Variants in NXPH1 observed in about 807,000 individuals in gnomAD.
NXPH1 encodes the protein neurexophilin 1, also known as neurexophilin-1.
A neutral mutation model predicts 23.7 loss-of-function variants in NXPH1; 5 were observed. The observed-to-expected ratio is 0.21, with a 90% CI of 0.11 to 0.44. The LOEUF is 0.44. Ranked by LOEUF, NXPH1 falls within the 20% of genes least tolerant of loss-of-function variation. NXPH1 has a pLI of 0.99. For synonymous variants in NXPH1, 144 were observed against 122.2 expected (o/e 1.18, Z -1.18); for missense variants, 324 against 321.6 (o/e 1.01, Z -0.06).
Position 8,449,344 on chromosome 7 carries a change from T to G in NXPH1, c.54+13577T>G, listed in dbSNP as rs943784693. The stretch of plus-strand genomic sequence containing the variant: ...TCCTACACAAAAACACTATTTTGTT[T>G]TATATTTGACATTAGAGTGGGGAAG... On this transcript the variant is annotated intron_variant, in intron 2 of 2. Transcript: ENST00000405863. Among the ~76,000 whole-genome samples, 3 of 152,230 alleles carry G rather than the reference T, an allele frequency of 2.0e-5. No individual in the cohort carries two copies. In the South Asian group the frequency reaches 6.2e-4, roughly 32 times the overall value.
intron 2 of NXPH1, among the ~76,000 whole-genome samples, chr7:8,531,526 C>T (rs1231051292): frequency 6.6e-6 from 1 of 152,172 alleles, no homozygotes; most frequent in Non-Finnish European, 1.5e-5. Context: ...ACTGTACTCT[C>T]TATTCTCTAT....
intron 2 of NXPH1, among the ~76,000 whole-genome samples, chr7:8,731,876 G>A (rs1413735937): frequency 4.6e-5 from 7 of 152,350 alleles, no homozygotes; most frequent in East Asian, 3.9e-4. Context: ...CACCCAGTTC[G>A]AGCTTCCCGG....
At chr7:8,714,411 G>C (rs1350005170) in intron 2 of NXPH1, among the ~76,000 whole-genome samples, 1 of 151,950 alleles carries the variant, frequency 6.6e-6, no homozygotes, top group Admixed American at 6.6e-5. Flanking sequence ...GGGTACCCAG[G>C]ACCCTGCTTA....
In NXPH1 at chr7:8,751,632, G is replaced by A; in HGVS notation, c.679G>A (p.Val227Ile). Residue 227 changes from valine to isoleucine, a missense_variant, in exon 3 of 3, where the codon GTA (valine) becomes ATA (isoleucine). Physicochemically the swap from Val to Ile is conservative, Grantham distance 29. Transcript: ENST00000405863. This position sits in a 1 kb window ranked among gnomAD's most constrained non-coding sequence, Gnocchi z 4.5. ...TCYQEQTQSH[V>I]SWLCSKPFKV... The stretch of plus-strand genomic sequence containing the variant: ...TTACCAGGAGCAAACCCAAAGTCAT[G>A]TATCCTGGCTCTGCTCCAAGCCCTT... 6.2e-7 allele frequency: 1 copy of A among 1,613,528 alleles called. No individual in the cohort carries two copies. The highest frequency in any genetic ancestry group is 1.3e-5 in the African/African-American group (1 of 75,018).
At chr7:8,591,278 G>T (rs1819088656) in intron 2 of NXPH1, among the ~76,000 whole-genome samples, 1 of 151,998 alleles carries the variant, frequency 6.6e-6, no homozygotes, top group South Asian at 2.1e-4. Context: ...AGGAAACTGA[G>T]GCTTATAGAG....
chr7:8,614,122 A>ATTTATTATTT (rs1388184899), intron 2 of NXPH1, among the ~76,000 whole-genome samples: 150 of 152,002 alleles, frequency 9.9e-4, no homozygotes, highest in African/African-American at 3.2e-3. Context: ...ATTTATTTAT[A>ATTTATTATTT]ATTATTGCAT....
intron 2 of NXPH1, among the ~76,000 whole-genome samples, chr7:8,684,229 T>C (rs1428933283): frequency 6.6e-6 from 1 of 152,186 alleles, no homozygotes; most frequent in African/African-American, 2.4e-5. Context: ...GTTAATATCA[T>C]ATTCCTGCCC....
At chr7:8,572,574 A>G (rs1332090082) in intron 2 of NXPH1, among the ~76,000 whole-genome samples, 1 of 152,064 alleles carries the variant, frequency 6.6e-6, no homozygotes, top group Admixed American at 6.6e-5. Context: ...AGAGCTGTGA[A>G]GGTAAAGCCT....
chr7:8,531,301 G>T (rs1270703562), intron 2 of NXPH1, among the ~76,000 whole-genome samples: 1 of 152,168 alleles, frequency 6.6e-6, no homozygotes, highest in Non-Finnish European at 1.5e-5. Context: ...AACAAAAAAA[G>T]GGTATAGTGA....
chr7:8,676,574 A>G (rs1223683849), intron 2 of NXPH1, among the ~76,000 whole-genome samples: 3 of 152,220 alleles, frequency 2.0e-5, no homozygotes, highest in African/African-American at 7.2e-5. Context: ...GAAATGTTGA[A>G]TAAACACATT....
chr7:8,461,843 A>AG (rs1816701906), intron 2 of NXPH1, among the ~76,000 whole-genome samples: 1 of 121,452 alleles, frequency 8.2e-6, no homozygotes, highest in Admixed American at 8.8e-5. Flanking sequence ...TCTCAAAAAA[A>AG]AAAAAAAAGA....
At chr7:8,487,699 A>G (rs1028742597) in intron 2 of NXPH1, among the ~76,000 whole-genome samples, 4 of 152,134 alleles carry the variant, frequency 2.6e-5, no homozygotes, top group Admixed American at 2.6e-4. Flanking sequence ...TTGCTCTGAA[A>G]CAAGTGACTC....
At chr7:8,559,715 C>T (rs1367531278) in intron 2 of NXPH1, among the ~76,000 whole-genome samples, 1 of 151,586 alleles carries the variant, frequency 6.6e-6, no homozygotes, top group Non-Finnish European at 1.5e-5. Context: ...AGGTTTAGGT[C>T]CGTAAACTTC....
At chr7:8,454,610 C>A (rs2128605953) in intron 2 of NXPH1, among the ~76,000 whole-genome samples, 1 of 152,254 alleles carries the variant, frequency 6.6e-6, no homozygotes, top group East Asian at 1.9e-4. Flanking sequence ...TTCTGGCCCC[C>A]ACCGTATCTT....
At chr7:8,537,835 TTCAAA>T (rs1818051798) in intron 2 of NXPH1, among the ~76,000 whole-genome samples, 1 of 151,908 alleles carries the variant, frequency 6.6e-6, no homozygotes, top group African/African-American at 2.4e-5. Context: ...CTCTGAGATG[TTCAAA>T]TCAAATATGT....
At chr7:8,609,856 C>T (rs999215555) in intron 2 of NXPH1, among the ~76,000 whole-genome samples, 1 of 151,994 alleles carries the variant, frequency 6.6e-6, no homozygotes, top group African/African-American at 2.4e-5. Flanking sequence ...TTATTTTAAG[C>T]CAGGTAGAGG....
chr7:8,614,140 C>T (rs558265993), intron 2 of NXPH1, among the ~76,000 whole-genome samples: 1 of 151,788 alleles, frequency 6.6e-6, no homozygotes, highest in Admixed American at 6.6e-5. Context: ...CATAGTATTT[C>T]CGTGGATGTG....
intron 2 of NXPH1, among the ~76,000 whole-genome samples, chr7:8,507,349 G>A (rs975797582): frequency 1.3e-5 from 2 of 151,732 alleles, no homozygotes; most frequent in Non-Finnish European, 2.9e-5. Flanking sequence ...ATTTACACCA[G>A]TGTTTGACAT....
intron 2 of NXPH1, among the ~76,000 whole-genome samples, chr7:8,567,787 T>G (rs778953899): frequency 1.3e-5 from 2 of 151,826 alleles, no homozygotes; most frequent in Non-Finnish European, 2.9e-5. Context: ...AAATATAGTT[T>G]AGTTAAAGGA....
Sources: gnomAD v4.1 joint callset for allele counts (sites outside exome capture counted in the v4.1 genomes callset) on GRCh38, gnomAD v4.1.1 for gene constraint, Gnocchi (gnomAD v3.1) non-coding constraint, MANE v1.5 for transcripts, NCBI Gene and HGNC (gene_info 2026-07-23, HGNC 2026-07-21) for gene names.